The following MFHAS1 variants were observed in gnomAD, a reference collection of about 807,000 sequenced individuals.
The protein encoded by MFHAS1 is multifunctional ROCO family signaling regulator 1.
MFHAS1 carries 50 observed loss-of-function variants against 70.4 expected under a neutral mutation model. That is an observed-to-expected ratio of 0.71 (90% CI 0.57 to 0.90). The LOEUF (loss-of-function observed/expected upper bound fraction) is 0.90, where lower values mean the gene tolerates loss of function less well. Ranked by LOEUF, MFHAS1 falls within the 40% of genes least tolerant of loss-of-function variation. The pLI, the probability that MFHAS1 is intolerant of heterozygous loss-of-function variation, is 0.00. For missense variants in MFHAS1, 1,795 were observed against 1,347.6 expected, an observed-to-expected ratio of 1.33 and a Z score of -5.20; for synonymous variants, 952 against 620.0, an observed-to-expected ratio of 1.54 and a Z score of -7.96.
chr8:8,822,792 G>A (rs1229416014), intron 1 of MFHAS1, among the ~76,000 whole-genome samples: 1 of 150,876 alleles, frequency 6.6e-6, no homozygotes, highest in East Asian at 2.0e-4. Context: ...CCAAGCCAGG[G>A]GGATTTAGAA....
chr8:8,787,137 G>A (rs982383971), intron 2 of MFHAS1, among the ~76,000 whole-genome samples: 2 of 150,706 alleles, frequency 1.3e-5, no homozygotes, highest in Admixed American at 6.6e-5. Flanking sequence ...CTGGAGTGCA[G>A]TGGCGCAATC....
At chr8:8,797,267 T>C in intron 2 of MFHAS1, 98 bp downstream of exon 2, 6 of 1,427,070 alleles carry the variant, frequency 4.2e-6, no homozygotes, top group Non-Finnish European at 5.8e-6. Flanking sequence ...CTTTGCAAGG[T>C]TTGTGCAGAT....
intron 1 of MFHAS1, among the ~76,000 whole-genome samples, chr8:8,831,143 T>TG (rs1161105695): frequency 6.6e-6 from 1 of 151,912 alleles, no homozygotes; most frequent in Non-Finnish European, 1.5e-5. Context: ...AGAGACACAG[T>TG]GGGCTCTCGG....
chr8:8,846,240 G>T (rs1234136746), intron 1 of MFHAS1, among the ~76,000 whole-genome samples: 1 of 121,826 alleles, frequency 8.2e-6, no homozygotes, highest in East Asian at 2.8e-4. Flanking sequence ...GCGACAGAGC[G>T]AGACTCTGTC....
At chr8:8,821,600 G>A (rs1387752974) in intron 1 of MFHAS1, among the ~76,000 whole-genome samples, 7 of 148,614 alleles carry the variant, frequency 4.7e-5, no homozygotes, top group South Asian at 4.5e-4. Flanking sequence ...TTTAAATATC[G>A]CACAAAAAAG....
At chr8:8,826,032 G>A (rs749839614) in intron 1 of MFHAS1, among the ~76,000 whole-genome samples, 14 of 152,102 alleles carry the variant, frequency 9.2e-5, no homozygotes, top group Admixed American at 9.2e-4. Context: ...GTACCCAAGA[G>A]GTTCTGATAA....
chr8:8,831,991 T>C (rs1807406752), intron 1 of MFHAS1, among the ~76,000 whole-genome samples: 1 of 151,878 alleles, frequency 6.6e-6, no homozygotes, highest in South Asian at 2.1e-4. Context: ...CTAAAACAAC[T>C]GGATATCTGT....
intron 1 of MFHAS1, among the ~76,000 whole-genome samples, chr8:8,851,987 G>A (rs1222806463): frequency 2.6e-5 from 4 of 152,120 alleles, no homozygotes; most frequent in Non-Finnish European, 2.9e-5. Context: ...AGGACAGAGC[G>A]CTCCCTCAGG....
intron 1 of MFHAS1, among the ~76,000 whole-genome samples, chr8:8,866,365 C>G (rs1428103796): frequency 6.6e-6 from 1 of 150,694 alleles, no homozygotes; most frequent in Non-Finnish European, 1.5e-5. Context: ...GTCCTCTAGG[C>G]TGGAGTACGG....
rs532374586 is a variant in MFHAS1, at chr8:8,831,674, T to A, written c.2999-34183A>T. On this transcript the variant is annotated intron_variant, in intron 1 of 2. Transcript: ENST00000276282. ...GGTCGCCCAGGCTGGAGTGGTGCAA[T>A]CTCAGCTCACTGCAACCTCCGCCTC... Among the ~76,000 whole-genome samples the A allele has an allele frequency of 1.5e-3, 228 of 151,388 alleles. 3 individuals are homozygous for A. The highest frequency in any genetic ancestry group is 4.8e-3 in the African/African-American group (198 of 41,196).
rs1255316208 is a variant in MFHAS1, at chr8:8,892,010, T to C, written c.1049A>G (p.Gln350Arg). The C allele has an allele frequency of 6.2e-7, 1 of 1,613,460 alleles. No homozygotes were observed. The highest frequency in any genetic ancestry group is 1.3e-5 in the African/African-American group (1 of 74,926). ...ELTGLEELVL[Q>R]GNQIAVLPDH... ...GGGCAGCACCGCGATCTGGTTCCCCTGCAGCACGAGCTCCTCCAGGCCGGT... is the reference window on the plus strand; with the variant it reads ...GGGCAGCACCGCGATCTGGTTCCCCCGCAGCACGAGCTCCTCCAGGCCGGT... The change falls in exon 1 of 3, where the codon CAG becomes CGG. Residue 350 changes from glutamine to arginine, a missense_variant. By Grantham distance (43) the Gln-to-Arg change is conservative. Transcript: ENST00000276282. The surrounding 1 kb of genome is among the most constrained non-coding windows in gnomAD (Gnocchi z 4.7).
intron 2 of MFHAS1, among the ~76,000 whole-genome samples, chr8:8,788,439 A>G (rs763636273): frequency 3.1e-4 from 47 of 152,210 alleles, no homozygotes; most frequent in Non-Finnish European, 5.7e-4. Flanking sequence ...ACTGCTTTGG[A>G]AGGCTGAGGC....
At chr8:8,835,564 T>A (rs73504232) in intron 1 of MFHAS1, among the ~76,000 whole-genome samples, 1 of 152,224 alleles carries the variant, frequency 6.6e-6, no homozygotes, top group Middle Eastern at 3.2e-3. Flanking sequence ...ATTCCAAACT[T>A]GCTATATAAT....
intron 1 of MFHAS1, among the ~76,000 whole-genome samples, chr8:8,864,979 C>T (rs1207574166): frequency 1.3e-5 from 2 of 151,872 alleles, no homozygotes; most frequent in African/African-American, 4.8e-5. Context: ...AAAAACAAAC[C>T]AAAAACATGT....
chr8:8,817,231 G>T (rs772861698), intron 1 of MFHAS1, among the ~76,000 whole-genome samples: 2 of 151,556 alleles, frequency 1.3e-5, no homozygotes, highest in Non-Finnish European at 2.9e-5. Context: ...ATCTCTGTCA[G>T]CTATGAGAAA....
rs748147674 is a variant in MFHAS1 at position 8,890,093 on chromosome 8, T to G, written c.2966A>C (p.Lys989Thr). ...TVHILCSKCLKRGSPNPHAFP... is the reference protein window; with the variant it reads ...TVHILCSKCLTRGSPNPHAFP... ...AGCATGTGGATTGGGCGATCCTCTC[T>G]TAAGGCACTTAGAACAGAGAATGTG... Residue 989 changes from lysine to threonine, a missense_variant, in exon 1 of 3, where the codon AAG becomes ACG. Physicochemically the swap from Lys to Thr is moderately conservative, Grantham distance 78 (BLOSUM62 -1). Coordinates refer to ENST00000276282, the MANE Select transcript of MFHAS1 (RefSeq NM_004225.3). 11 of 1,611,670 alleles carry G rather than the reference T, an allele frequency of 6.8e-6. No homozygotes were observed. The highest frequency in any genetic ancestry group is 8.5e-6 in the Non-Finnish European group (10 of 1,178,514).
rs80235335 is a variant in MFHAS1 at position 8,878,721 on chromosome 8, G to A, written c.2998+11340C>T. Reference sequence around the variant, plus strand: ...GAAGGACAGAAAGAGTGAGGAGGAAGGGAGGGAGGCTTGTTCTAGAGACCT... The same window carrying A: ...GAAGGACAGAAAGAGTGAGGAGGAAAGGAGGGAGGCTTGTTCTAGAGACCT... On this transcript the variant is annotated intron_variant, in intron 1 of 2. Coordinates refer to ENST00000276282, the MANE Select transcript of MFHAS1 (RefSeq NM_004225.3). Among the ~76,000 whole-genome samples, 616 of 151,830 alleles carry A rather than the reference G, an allele frequency of 4.1e-3. 19 individuals carry two copies. The East Asian group carries it at 0.075, about 19-fold the overall frequency.
intron 1 of MFHAS1, among the ~76,000 whole-genome samples, chr8:8,838,378 G>T (rs144993131): frequency 7.2e-5 from 11 of 152,140 alleles, no homozygotes; most frequent in Non-Finnish European, 1.2e-4. Flanking sequence ...AGTTAAAATG[G>T]TACATTTTAT....
At chr8:8,836,867 T>G (rs1388826058) in intron 1 of MFHAS1, among the ~76,000 whole-genome samples, 3 of 152,240 alleles carry the variant, frequency 2.0e-5, no homozygotes, top group African/African-American at 7.2e-5. Context: ...TAACCAACCT[T>G]TCTTCTTTCC....
Sources: gnomAD v4.1 joint callset for allele counts (sites outside exome capture counted in the v4.1 genomes callset) on GRCh38, gnomAD v4.1.1 for gene constraint, Gnocchi (gnomAD v3.1) non-coding constraint, MANE v1.5 for transcripts, NCBI Gene and HGNC (gene_info 2026-07-23, HGNC 2026-07-21) for gene names.